SLC9A1: variants seen among roughly 807,000 people sequenced by gnomAD.
The protein encoded by SLC9A1 is solute carrier family 9 member A1.
Under a neutral mutation model 67.9 loss-of-function variants are expected in SLC9A1, and 22 were observed. The observed-to-expected ratio is 0.32, with a 90% CI of 0.23 to 0.46. SLC9A1 has a LOEUF of 0.46. Ranked by LOEUF, SLC9A1 falls within the 20% of genes least tolerant of loss-of-function variation. The probability of loss-of-function intolerance (pLI) is 1.00; values close to 1 mark genes in which losing one functional copy is unlikely to be tolerated. For synonymous variants in SLC9A1, 421 were observed against 471.8 expected (o/e 0.89, Z 1.40); for missense variants, 686 against 1,094.8 (o/e 0.63, Z 5.27).
Position 27,154,683 on chromosome 1 carries a change from G to C in SLC9A1, c.-349C>G. On this transcript the variant is annotated 5_prime_UTR_variant, in exon 1 of 12. Coordinates refer to ENST00000263980, the MANE Select transcript of SLC9A1 (RefSeq NM_003047.5). ...GGGATAGTGCAAAGGAAAGGAAGAA[G>C]GAAGGCTGGGACCTTTGGCTGAGGA... The C allele has an allele frequency of 5.1e-6, 1 of 196,292 alleles. No individual in the cohort carries two copies. The highest frequency in any genetic ancestry group is 1.3e-4 in the South Asian group (1 of 7,734). The allele number at this position is 196,292 out of a possible 1,614,324, so 12.2% of individuals were successfully genotyped here. A position where few individuals can be genotyped will look rare whatever the true frequency, so the allele number is the denominator to read the frequency against.
rs59069331 is a variant in SLC9A1 at position 27,130,886 on chromosome 1, T to C, written c.353-16600A>G. 4.3e-3 allele frequency among the ~76,000 whole-genome samples: 650 copies of C among 152,322 alleles called. 4 individuals carry two copies. The highest frequency in any genetic ancestry group is 0.015 in the African/African-American group (615 of 41,586). ...CACAGGTTCTAGAGCCCACTGGTGA[T>C]AAGCTGAGCACAAAGGGCCAAGGGC... On this transcript the variant is annotated intron_variant, in intron 1 of 11. Coordinates refer to ENST00000263980, the MANE Select transcript of SLC9A1 (RefSeq NM_003047.5).
rs553670300 is a variant in SLC9A1 at position 27,103,586 on chromosome 1, T to C, written c.1486-274A>G. ...GGCCTGGGCCAGGCAGCAGACAGCC[T>C]GGGTTCAGATGTGGACTGCACCACA... is the stretch of plus-strand genomic sequence containing the variant. On this transcript the variant is annotated intron_variant, in intron 5 of 11. Transcript: ENST00000263980. The C allele has an allele frequency of 8.2e-4, 407 of 495,124 alleles. 5 individuals carry two copies. The South Asian group carries it at 8.4e-3, about 10-fold the overall frequency. The allele number at this position is 495,124 out of a possible 1,614,324, so 30.7% of individuals were successfully genotyped here.
chr1:27,125,673 C>A (rs1380638562), intron 1 of SLC9A1, among the ~76,000 whole-genome samples: 1 of 152,082 alleles, frequency 6.6e-6, no homozygotes, highest in Non-Finnish European at 1.5e-5. Flanking sequence ...TGGCTCATTG[C>A]AACCTCTGCC....
intron 1 of SLC9A1, among the ~76,000 whole-genome samples, chr1:27,123,543 C>T (rs1390640123): frequency 6.6e-6 from 1 of 151,888 alleles, no homozygotes; most frequent in Non-Finnish European, 1.5e-5. Flanking sequence ...CGCTCTGTCA[C>T]CCAGGCTGGA....
chr1:27,099,083 A>G lies in SLC9A1; in HGVS notation c.*1224T>C, dbSNP rs1462654775. On this transcript the variant is annotated 3_prime_UTR_variant, in exon 12 of 12. Transcript: ENST00000263980. ...ACAAGGGGAAGGAGTGTGTGTGGGC[A>G]AAGGTCTCTGGGGGCCCAGGATTCT... 1 of 152,646 alleles carries G rather than the reference A, an allele frequency of 6.6e-6. No homozygotes were observed. The highest frequency in any genetic ancestry group is 1.5e-5 in the Non-Finnish European group (1 of 68,162). 9.5% of individuals were successfully genotyped at this position (152,646 alleles called of 1,614,324 possible).
chr1:27,136,851 G>A (rs904973162), intron 1 of SLC9A1, among the ~76,000 whole-genome samples: 2 of 152,238 alleles, frequency 1.3e-5, no homozygotes, highest in African/African-American at 2.4e-5. Context: ...TCAGCCAGGA[G>A]AGCCCTCATC....
chr1:27,136,522 G>C (rs2083421348), intron 1 of SLC9A1, among the ~76,000 whole-genome samples: 1 of 136,810 alleles, frequency 7.3e-6, no homozygotes, highest in African/African-American at 2.6e-5. Context: ...CTCAACCGAG[G>C]ATAAGACCAG....
In SLC9A1 at chr1:27,101,948, G is replaced by T; in HGVS notation, c.1935+68C>A. The T allele has an allele frequency of 6.9e-7, 1 of 1,452,178 alleles. No homozygotes were observed. Among genetic ancestry groups the T allele is most frequent in the Non-Finnish European group, 9.6e-7 (1 of 1,036,626 alleles). The allele number at this position is 1,452,178 out of a possible 1,614,324, so 90.0% of individuals were successfully genotyped here. The stretch of plus-strand genomic sequence containing the variant: ...GGTGCCGAGGGGCACGGGCAGGGCA[G>T]GGCTGCCGTAGAGAGGGGCTGAAGG... On this transcript the variant is annotated intron_variant, in intron 9 of 11. Transcript: ENST00000263980. The surrounding 1 kb of genome is among the most constrained non-coding windows in gnomAD (Gnocchi z 4.9).
intron 5 of SLC9A1, among the ~76,000 whole-genome samples, chr1:27,104,724 C>T (rs1035417929): frequency 2.0e-5 from 3 of 152,134 alleles, no homozygotes; most frequent in African/African-American, 7.2e-5. Context: ...ATAAGCCCAG[C>T]CCCAGGTTTC....
In SLC9A1 at chr1:27,131,947, A is replaced by AATAT. The variant is rs71010329; in HGVS notation, c.353-17665_353-17662dup. 1.4e-3 allele frequency among the ~76,000 whole-genome samples: 71 copies of AATAT among 52,078 alleles called. 2 individuals are homozygous for AATAT. The highest frequency in any genetic ancestry group is 1.9e-3 in the South Asian group (3 of 1,618). 34.2% of individuals were successfully genotyped at this position (52,078 alleles called of 152,430 possible). On this transcript the variant is annotated intron_variant, in intron 1 of 11. Transcript: ENST00000263980. ...AAAAGAAGAAGAAGAAGAAAAAAAA[A>AATAT]ATATATATATATATATATATATATA...
At chr1:27,149,390 T>A (rs1244113379) in intron 1 of SLC9A1, among the ~76,000 whole-genome samples, 1 of 152,210 alleles carries the variant, frequency 6.6e-6, no homozygotes, top group African/African-American at 2.4e-5. Flanking sequence ...CTCATGTGAT[T>A]TGAGTAGGGA....
At chr1:27,121,989 G>A (rs546872126) in intron 1 of SLC9A1, among the ~76,000 whole-genome samples, 4 of 152,102 alleles carry the variant, frequency 2.6e-5, no homozygotes, top group African/African-American at 7.2e-5. Flanking sequence ...CTGAGTGTGC[G>A]CCTATAGTCC....
At chr1:27,125,081 A>G (rs150211655) in intron 1 of SLC9A1, among the ~76,000 whole-genome samples, 2 of 151,928 alleles carry the variant, frequency 1.3e-5, no homozygotes, top group African/African-American at 4.8e-5. Flanking sequence ...TCCATCACCA[A>G]ACCCTGCTGG....
intron 1 of SLC9A1, among the ~76,000 whole-genome samples, chr1:27,135,458 T>A (rs994839872): frequency 3.3e-5 from 5 of 151,200 alleles, no homozygotes; most frequent in Non-Finnish European, 7.4e-5. Context: ...GGGGTATAAC[T>A]TGCATTTTTC....
chr1:27,100,265 AAG>A lies in SLC9A1; in HGVS notation c.*40_*41del. ...CCCCCAGCAGCCCCTGCTCTGGTGG[AAG>A]AGTCTGTGAGGGGACAGGCGCTGCC... On this transcript the variant is annotated 3_prime_UTR_variant, in exon 12 of 12. Coordinates refer to ENST00000263980, the MANE Select transcript of SLC9A1 (RefSeq NM_003047.5). This position sits in a 1 kb window ranked among gnomAD's most constrained non-coding sequence, Gnocchi z 5.6. The A allele has an allele frequency of 7.0e-7, 1 of 1,428,428 alleles. No homozygotes were observed. The highest frequency in any genetic ancestry group is 9.4e-7 in the Non-Finnish European group (1 of 1,063,758). The allele number at this position is 1,428,428 out of a possible 1,614,324, so 88.5% of individuals were successfully genotyped here. A position where few individuals can be genotyped will look rare whatever the true frequency, so the allele number is the denominator to read the frequency against.
At chr1:27,132,655 CCT>C (rs1331445153) in intron 1 of SLC9A1, among the ~76,000 whole-genome samples, 1 of 152,160 alleles carries the variant, frequency 6.6e-6, no homozygotes, top group African/African-American at 2.4e-5. Context: ...GGTGGGGGTG[CCT>C]CCTACAATTA....
Position 27,100,574 on chromosome 1 carries a change from G to C in SLC9A1, c.2181C>G (p.Pro727=), listed in dbSNP as rs545801890. Residue 727 remains proline (P), a synonymous_variant, in exon 12 of 12, where the codon CCC becomes CCG. Coordinates refer to ENST00000263980, the MANE Select transcript of SLC9A1 (RefSeq NM_003047.5). This position sits in a 1 kb window ranked among gnomAD's most constrained non-coding sequence, Gnocchi z 5.6. ...CTTCATTCACCAGGTCCACAGACTC[G>C]GGTGACTGCGGGGAAGCCGGGTCGA... ...ITIDPASPQS[P]ESVDLVNEEL... is the part of the protein sequence containing the mutation. 1.2e-6 allele frequency: 2 copies of C among 1,613,914 alleles called. No homozygotes were observed. The highest frequency in any genetic ancestry group is 1.1e-5 in the South Asian group (1 of 91,074).
At chr1:27,139,060 C>G (rs2083437752) in intron 1 of SLC9A1, among the ~76,000 whole-genome samples, 1 of 152,054 alleles carries the variant, frequency 6.6e-6, no homozygotes, top group Non-Finnish European at 1.5e-5. Flanking sequence ...CAAGTCTACA[C>G]CCCTCTGGAG....
Position 27,106,129 on chromosome 1 carries a change from G to T in SLC9A1, c.1283-42C>A. 1 of 1,295,312 alleles carries T rather than the reference G, an allele frequency of 7.7e-7. No individual in the cohort carries two copies. The highest frequency in any genetic ancestry group is 1.1e-6 in the Non-Finnish European group (1 of 901,356). The allele number at this position is 1,295,312 out of a possible 1,614,324, so 80.2% of individuals were successfully genotyped here. A position where few individuals can be genotyped will look rare whatever the true frequency, so the allele number is the denominator to read the frequency against. On this transcript the variant is annotated intron_variant, in intron 4 of 11. Coordinates refer to ENST00000263980, the MANE Select transcript of SLC9A1 (RefSeq NM_003047.5). The surrounding 1 kb of genome is among the most constrained non-coding windows in gnomAD (Gnocchi z 4.3). ...GGGGTGATGAGGGTCAGGTCGGGCTGTCCCCAGTCCCTCCTGGATTCTGCA... is the reference window on the plus strand; with the variant it reads ...GGGGTGATGAGGGTCAGGTCGGGCTTTCCCCAGTCCCTCCTGGATTCTGCA...
Sources: allele counts gnomAD v4.1 joint callset (sites outside exome capture counted in the v4.1 genomes callset), GRCh38; gene constraint gnomAD v4.1.1; non-coding constraint Gnocchi (gnomAD v3.1); transcripts MANE v1.5; gene names NCBI Gene and HGNC (gene_info 2026-07-23, HGNC 2026-07-21).